Variants in PACS1 observed in about 807,000 individuals in gnomAD.
The protein encoded by PACS1 is PACS-1.
PACS1 carries 24 observed loss-of-function variants against 115.0 expected under a neutral mutation model. That is an observed-to-expected ratio of 0.21 (90% CI 0.15 to 0.29). The LOEUF is 0.29. PACS1 is among the 10% of genes least tolerant of loss of function. PACS1 has a pLI of 1.00. For missense variants in PACS1, 838 were observed against 1,251.2 expected (o/e 0.67, Z 4.98); for synonymous variants, 453 against 504.5 (o/e 0.90, Z 1.37).
At chr11:66,109,376 A>G (rs1858133374) in intron 1 of PACS1, among the ~76,000 whole-genome samples, 1 of 152,152 alleles carries the variant, frequency 6.6e-6, no homozygotes. Flanking sequence ...TGGGCAACAT[A>G]GTGAGACCCC....
At chr11:66,151,419 G>A (rs1042887406) in intron 1 of PACS1, among the ~76,000 whole-genome samples, 1 of 152,134 alleles carries the variant, frequency 6.6e-6, no homozygotes, top group South Asian at 2.1e-4. Flanking sequence ...AAGTCACAGA[G>A]TGTGAGCCCC....
chr11:66,219,638 G>T (rs771003666), intron 7 of PACS1, 108 bp from the exon 8 acceptor site: 1 of 866,182 alleles, frequency 1.2e-6, no homozygotes, highest in Non-Finnish European at 2.0e-6. Flanking sequence ...TCCAGTCTTC[G>T]TGTCTTCCCA....
Position 66,070,448 on chromosome 11 carries a change from G to GCCTC in PACS1, c.-38_-37insCTCC. 8.6e-7 allele frequency: 1 copy of GCCTC among 1,165,602 alleles called. No homozygotes were observed. The allele number at this position is 1,165,602 out of a possible 1,614,324, so 72.2% of individuals were successfully genotyped here. ...CGGGGGAAGCCTGGGAGCCAGATCG[G>GCCTC]CGTCGCCTCGGCCTCCGTAACCCCC... On this transcript the variant is annotated 5_prime_UTR_variant, in exon 1 of 24. Transcript: ENST00000320580. The surrounding 1 kb of genome is among the most constrained non-coding windows in gnomAD (Gnocchi z 5.9).
intron 8 of PACS1, 188 bp from the exon 9 acceptor site, chr11:66,220,443 T>C (rs761123773): frequency 1.0e-5 from 6 of 588,560 alleles, no homozygotes; most frequent in Admixed American, 9.0e-5. Flanking sequence ...GGGGGGAAGG[T>C]GGCCTCACCA....
intron 1 of PACS1, among the ~76,000 whole-genome samples, chr11:66,073,121 G>C (rs762243799): frequency 5.9e-5 from 9 of 152,180 alleles, no homozygotes; most frequent in Non-Finnish European, 1.3e-4. Flanking sequence ...CTCCGACATT[G>C]TTTTTCATCC....
At position 66,101,167 on chromosome 11, in the gene PACS1, G is replaced by A. The variant is rs541341511; in HGVS notation, c.356+30325G>A. On this transcript the variant is annotated intron_variant, in intron 1 of 23. Coordinates refer to ENST00000320580, the MANE Select transcript of PACS1 (RefSeq NM_018026.4). ...AAGATTCATTTGTACAGTTGCATTC[G>A]TTCAGTATTTTTAATTCATTTTTTT... Among the ~76,000 whole-genome samples, 4 of 152,240 alleles carry A rather than the reference G, an allele frequency of 2.6e-5. No individual in the cohort carries two copies. The East Asian group carries it at 5.8e-4, about 22-fold the overall frequency.
chr11:66,179,077 C>T (rs535983115), intron 1 of PACS1, among the ~76,000 whole-genome samples: 50 of 152,294 alleles, frequency 3.3e-4, no homozygotes, highest in African/African-American at 1.2e-3. Flanking sequence ...TTTAGTCACT[C>T]TTATCACAGC....
chr11:66,213,313 C>G (rs563726303), intron 4 of PACS1, among the ~76,000 whole-genome samples: 1 of 152,340 alleles, frequency 6.6e-6, no homozygotes, highest in Non-Finnish European at 1.5e-5. Context: ...CCCATGGGAG[C>G]CCCTTCATGC....
chr11:66,096,176 A>T (rs1176873016), intron 1 of PACS1, among the ~76,000 whole-genome samples: 1 of 149,072 alleles, frequency 6.7e-6, no homozygotes, highest in Non-Finnish European at 1.5e-5. Context: ...CAAGTGAGCC[A>T]CCATGCCTGG....
chr11:66,152,769 A>G (rs1346376425), intron 1 of PACS1, among the ~76,000 whole-genome samples: 2 of 152,228 alleles, frequency 1.3e-5, no homozygotes, highest in Admixed American at 6.5e-5. Context: ...GACACATTAC[A>G]TAAAAGGGAT....
intron 7 of PACS1, chr11:66,217,373 C>T (rs1348106989): frequency 3.0e-6 from 1 of 335,438 alleles, no homozygotes; most frequent in Admixed American, 4.1e-5. Flanking sequence ...AAGCTAAAAA[C>T]CTGAATTCCT....
chr11:66,111,643 C>A (rs557669649), intron 1 of PACS1, among the ~76,000 whole-genome samples: 9 of 152,030 alleles, frequency 5.9e-5, no homozygotes, highest in African/African-American at 1.4e-4. Context: ...GATTATTATT[C>A]TTTTTTTTGT....
intron 1 of PACS1, among the ~76,000 whole-genome samples, chr11:66,125,520 C>G (rs2134568339): frequency 6.6e-6 from 1 of 152,196 alleles, no homozygotes; most frequent in East Asian, 1.9e-4. Context: ...TGAAGATGTT[C>G]TGGATTCAGA....
intron 4 of PACS1, among the ~76,000 whole-genome samples, chr11:66,214,513 CCTTT>C: frequency 6.6e-6 from 1 of 151,764 alleles, no homozygotes. Flanking sequence ...CCTTTTTCTT[CCTTT>C]CTTTCCTTTC....
intron 1 of PACS1, among the ~76,000 whole-genome samples, chr11:66,147,103 G>A (rs761435546): frequency 2.0e-5 from 3 of 152,028 alleles, no homozygotes; most frequent in Non-Finnish European, 4.4e-5. Context: ...CTTGAAAGCA[G>A]CAAGAAAAAG....
At position 66,233,760 on chromosome 11, in the gene PACS1, C is replaced by A; in HGVS notation, c.1839-25C>A. 6.2e-7 allele frequency: 1 copy of A among 1,607,702 alleles called. No homozygotes were observed. ...AGGATCCTGGCACCCCTGAGCACTG[C>A]TATGACGCTCCCCTTCCTCCCCAGC... On this transcript the variant is annotated intron_variant, in intron 15 of 23. Coordinates refer to ENST00000320580, the MANE Select transcript of PACS1 (RefSeq NM_018026.4). The surrounding 1 kb of genome is among the most constrained non-coding windows in gnomAD (Gnocchi z 4.5).
intron 1 of PACS1, among the ~76,000 whole-genome samples, chr11:66,170,028 G>T (rs1859699477): frequency 6.6e-6 from 1 of 150,414 alleles, no homozygotes; most frequent in Middle Eastern, 3.2e-3. Flanking sequence ...GTATTCTCTA[G>T]CTTCCTTAAT....
intron 1 of PACS1, among the ~76,000 whole-genome samples, chr11:66,106,763 GAA>G (rs960646245): frequency 7.1e-6 from 1 of 141,610 alleles, no homozygotes. Flanking sequence ...CTGTCTCAGA[GAA>G]AAAAAAAAAA....
At chr11:66,146,642 G>A (rs1315375995) in intron 1 of PACS1, among the ~76,000 whole-genome samples, 1 of 152,184 alleles carries the variant, frequency 6.6e-6, no homozygotes, top group Non-Finnish European at 1.5e-5. Flanking sequence ...TGAAGTAACA[G>A]CCAGAAACTT....
Sources: gnomAD v4.1 joint callset for allele counts (sites outside exome capture counted in the v4.1 genomes callset) on GRCh38, gnomAD v4.1.1 for gene constraint, Gnocchi (gnomAD v3.1) non-coding constraint, MANE v1.5 for transcripts, NCBI Gene and HGNC (gene_info 2026-07-23, HGNC 2026-07-21) for gene names.